Variants in TSPEAR observed in about 807,000 individuals in gnomAD.
The protein encoded by TSPEAR is thrombospondin-type laminin G domain and EAR repeat-containing protein.
Under a neutral mutation model 71.6 loss-of-function variants are expected in TSPEAR, and 69 were observed. That is an observed-to-expected ratio of 0.96 (90% CI 0.79 to 1.18). The LOEUF is 1.18. Among genes scored for constraint, TSPEAR ranks in the 50% most tolerant of loss-of-function variants. TSPEAR has a pLI of 0.00. For synonymous variants in TSPEAR, 402 were observed against 387.2 expected (o/e 1.04, Z -0.45); for missense variants, 971 against 894.9 (o/e 1.09, Z -1.09).
At chr21:44,635,123 T>C (rs1398956196) in intron 1 of TSPEAR, among the ~76,000 whole-genome samples, 2 of 151,952 alleles carry the variant, frequency 1.3e-5, no homozygotes, top group Non-Finnish European at 2.9e-5. Flanking sequence ...GGCGGGAGGA[T>C]CACTTGAGGT....
Position 44,527,483 on chromosome 21 carries a change from T to C in TSPEAR, c.958A>G (p.Asn320Asp), listed in dbSNP as rs782215142. The C allele has an allele frequency of 1.4e-5, 23 of 1,614,206 alleles. No individual in the cohort carries two copies. The highest frequency in any genetic ancestry group is 1.9e-5 in the Non-Finnish European group (23 of 1,180,032). ...ERLDYVEEHQ[N>D]LSTNSETLGI... is the part of the protein sequence containing the mutation. Reference sequence around the variant, plus strand: ...AGGGTCTCTGAGTTGGTGGACAAGTTCTGATGCTCCTCCACGTAGTCCAGT... The same window carrying C: ...AGGGTCTCTGAGTTGGTGGACAAGTCCTGATGCTCCTCCACGTAGTCCAGT... Residue 320 changes from asparagine to aspartate, a missense_variant, in exon 7 of 12, where the codon AAC becomes GAC. By Grantham distance (23) the Asn-to-Asp change is conservative. Transcript: ENST00000323084.
intron 2 of TSPEAR, chr21:44,551,368 A>C (rs1555918894): frequency 1.2e-6 from 2 of 1,613,048 alleles, no homozygotes; most frequent in African/African-American, 2.7e-5. Flanking sequence ...GGGGTGCCGC[A>C]GGGGAGCTCA....
chr21:44,561,744 A>G (rs910246869), intron 2 of TSPEAR, among the ~76,000 whole-genome samples: 1 of 152,220 alleles, frequency 6.6e-6, no homozygotes, highest in East Asian at 1.9e-4. Context: ...TGATTATCTC[A>G]ATAGATGCAG....
chr21:44,513,940 A>C (rs371838375), intron 9 of TSPEAR, among the ~76,000 whole-genome samples: 21 of 151,740 alleles, frequency 1.4e-4, no homozygotes, highest in African/African-American at 4.6e-4. Context: ...ATGACAGGTG[A>C]CTCCCTTGAG....
At chr21:44,701,473 CATTGTA>C (rs1390466864) in intron 1 of TSPEAR, among the ~76,000 whole-genome samples, 2 of 152,184 alleles carry the variant, frequency 1.3e-5, no homozygotes, top group East Asian at 3.8e-4. Flanking sequence ...TCCATTATTA[CATTGTA>C]ATTTATAACG....
chr21:44,569,359 A>G (rs1555922209), intron 1 of TSPEAR, among the ~76,000 whole-genome samples: 1 of 152,202 alleles, frequency 6.6e-6, no homozygotes, highest in Non-Finnish European at 1.5e-5. Flanking sequence ...GGGCACTTAC[A>G]AAAACCGGAT....
At chr21:44,548,369 T>C (rs1457586914) in intron 2 of TSPEAR, among the ~76,000 whole-genome samples, 2 of 152,208 alleles carry the variant, frequency 1.3e-5, no homozygotes, top group African/African-American at 4.8e-5. Context: ...CTTGATTATG[T>C]GTTCCCTTGA....
rs587714110 is a variant in TSPEAR, at chr21:44,642,534, C to T, written c.82+68899G>A. Among the ~76,000 whole-genome samples, 4 of 152,260 alleles carry T rather than the reference C, an allele frequency of 2.6e-5. No homozygotes were observed. The highest frequency in any genetic ancestry group is 4.8e-5 in the African/African-American group (2 of 41,552). Reference sequence around the variant, plus strand: ...TGTATAGCCATTATGGGAAATAGTACGGAAGTTCCTCAAAAAATTAAAAAT... The same window carrying T: ...TGTATAGCCATTATGGGAAATAGTATGGAAGTTCCTCAAAAAATTAAAAAT... On this transcript the variant is annotated intron_variant, in intron 1 of 11. Coordinates refer to ENST00000323084, the MANE Select transcript of TSPEAR (RefSeq NM_144991.3). This position sits in a 1 kb window ranked among gnomAD's most constrained non-coding sequence, Gnocchi z 4.1.
At chr21:44,613,603 C>T (rs1171261113) in intron 1 of TSPEAR, among the ~76,000 whole-genome samples, 1 of 152,114 alleles carries the variant, frequency 6.6e-6, no homozygotes, top group Non-Finnish European at 1.5e-5. Context: ...GGGTTCTGCT[C>T]GCTTAGCAGC....
In TSPEAR at chr21:44,612,305, G is replaced by GC. The variant is rs1981741165; in HGVS notation, c.83-44301dup. On this transcript the variant is annotated intron_variant, in intron 1 of 11. Coordinates refer to ENST00000323084, the MANE Select transcript of TSPEAR (RefSeq NM_144991.3). This position sits in a 1 kb window ranked among gnomAD's most constrained non-coding sequence, Gnocchi z 4.1. ...CTGTACCCCTAGCTGCTGTGCCCCA[G>GC]CCCCCTGCCTGGCCCTGGTCTGTGC... The GC allele has an allele frequency of 6.2e-7, 1 of 1,613,378 alleles. No homozygotes were observed. The highest frequency in any genetic ancestry group is 8.5e-7 in the Non-Finnish European group (1 of 1,179,988).
chr21:44,640,987 G>A (rs587677267), intron 1 of TSPEAR, among the ~76,000 whole-genome samples: 1 of 152,266 alleles, frequency 6.6e-6, no homozygotes, highest in Admixed American at 6.5e-5. Flanking sequence ...CACGCCCCAG[G>A]AAGCTCTGGA....
intron 1 of TSPEAR, among the ~76,000 whole-genome samples, chr21:44,707,440 C>T (rs1555952682): frequency 6.6e-6 from 1 of 152,194 alleles, no homozygotes; most frequent in African/African-American, 2.4e-5. Context: ...AGTCCAGACC[C>T]GTCGGGGCCC....
At chr21:44,645,356 AG>A (rs1984258213) in intron 1 of TSPEAR, among the ~76,000 whole-genome samples, 5 of 104,678 alleles carry the variant, frequency 4.8e-5, no homozygotes. Flanking sequence ...AGGGCCACTT[AG>A]CTTTTTTTTT....
At chr21:44,681,359 C>T (rs1287703515) in intron 1 of TSPEAR, among the ~76,000 whole-genome samples, 6 of 152,264 alleles carry the variant, frequency 3.9e-5, no homozygotes, top group Non-Finnish European at 7.4e-5. Flanking sequence ...CCACCACAGG[C>T]GGGTAAGTCA....
chr21:44,521,135 G>A (rs1047170550), intron 9 of TSPEAR, among the ~76,000 whole-genome samples: 7 of 152,218 alleles, frequency 4.6e-5, no homozygotes, highest in Non-Finnish European at 7.3e-5. Flanking sequence ...TGAGAGGCAC[G>A]CTTCCAGCAA....
At chr21:44,690,492 A>G in intron 1 of TSPEAR, 12 of 947,580 alleles carry the variant, frequency 1.3e-5, no homozygotes, top group Non-Finnish European at 1.4e-5. Context: ...AAGCAATAAA[A>G]ATCAGATTAG....
intron 1 of TSPEAR, chr21:44,573,855 C>G: frequency 6.2e-7 from 1 of 1,614,110 alleles, no homozygotes; most frequent in East Asian, 2.2e-5. Flanking sequence ...GGACGACTGC[C>G]CAGAGAGCTG....
chr21:44,626,105 C>G (rs1555934262), intron 1 of TSPEAR, among the ~76,000 whole-genome samples: 1 of 152,220 alleles, frequency 6.6e-6, no homozygotes, highest in East Asian at 1.9e-4. Flanking sequence ...CAAAGACGTT[C>G]TACTCAACAT....
intron 1 of TSPEAR, among the ~76,000 whole-genome samples, chr21:44,598,781 C>T (rs1430419429): frequency 2.0e-5 from 3 of 152,178 alleles, no homozygotes; most frequent in Non-Finnish European, 4.4e-5. Flanking sequence ...CCTCCTGGTT[C>T]CTTCCTGCAT....
Sources: allele counts gnomAD v4.1 joint callset (sites outside exome capture counted in the v4.1 genomes callset), GRCh38; gene constraint gnomAD v4.1.1; non-coding constraint Gnocchi (gnomAD v3.1); transcripts MANE v1.5; gene names NCBI Gene and HGNC (gene_info 2026-07-23, HGNC 2026-07-21).